Variants in DMD observed in about 807,000 individuals in gnomAD.
DMD encodes the protein mutant dystrophin.
In DMD, 63 loss-of-function variants were observed where a neutral mutation model predicts 330.1. The ratio of observed to expected loss-of-function variants is 0.19; its 90% CI spans 0.16 to 0.24. The LOEUF (loss-of-function observed/expected upper bound fraction) is 0.24, where lower values mean the gene tolerates loss of function less well. Among genes scored for constraint, DMD ranks in the 10% least tolerant of loss-of-function variants. The pLI, the probability that DMD is intolerant of heterozygous loss-of-function variation, is 1.00. For missense variants in DMD, 3,344 were observed against 2,684.1 expected, an observed-to-expected ratio of 1.25 and a Z score of -5.43; for synonymous variants, 1,223 against 959.8, an observed-to-expected ratio of 1.27 and a Z score of -5.07.
intron 43 of DMD, among the ~76,000 whole-genome samples, chrX:32,263,770 C>T (rs777003371): frequency 5.4e-5 from 6 of 111,543 alleles, no homozygotes; most frequent in Non-Finnish European, 9.4e-5. Flanking sequence ...AGACAACTTC[C>T]ATCTAATTAT....
intron 52 of DMD, among the ~76,000 whole-genome samples, chrX:31,721,581 T>C (rs1460154651): frequency 2.3e-5 from 2 of 88,540 alleles, no homozygotes; most frequent in African/African-American, 9.3e-5. Context: ...GTTAATGGCT[T>C]AAAATCAATC....
intron 44 of DMD, among the ~76,000 whole-genome samples, chrX:32,103,030 C>T (rs758458328): frequency 1.6e-3 from 174 of 111,778 alleles, no homozygotes; most frequent in South Asian, 9.7e-3. Context: ...AGGTTACTCC[C>T]TGTGATTACT....
intron 47 of DMD, among the ~76,000 whole-genome samples, chrX:31,902,041 G>C (rs1411018996): frequency 9.0e-6 from 1 of 111,252 alleles, no homozygotes; most frequent in Non-Finnish European, 1.9e-5. Flanking sequence ...TTAGGTATCT[G>C]CTTAGGCTGG....
intron 7 of DMD, among the ~76,000 whole-genome samples, chrX:32,754,674 CTT>C (rs982526566): frequency 3.6e-4 from 40 of 111,809 alleles, no homozygotes; most frequent in Admixed American, 2.9e-3. Context: ...CAATAACAAA[CTT>C]ATCGCAGATT....
At chrX:32,337,432 T>C (rs1030301761) in intron 41 of DMD, among the ~76,000 whole-genome samples, 1 of 109,360 alleles carries the variant, frequency 9.1e-6, no homozygotes, top group Non-Finnish European at 1.9e-5. Flanking sequence ...TACTTGGTAT[T>C]TGATGTCATA....
intron 43 of DMD, among the ~76,000 whole-genome samples, chrX:32,252,843 AATATATAAAT>A (rs1569553738): frequency 1.3e-4 from 7 of 53,543 alleles, no homozygotes; most frequent in Non-Finnish European, 2.3e-4. Context: ...AATATATATA[AATATATAAAT>A]ATATATAAAT....
chrX:31,204,188 C>T (rs1485716494), intron 66 of DMD, 70 bp from the exon 67 acceptor site: 1 of 967,549 alleles, frequency 1.0e-6, no homozygotes, highest in Non-Finnish European at 1.5e-6. Flanking sequence ...ACCTGACATC[C>T]AACTCAATTC....
At chrX:32,838,208 T>C (rs993594486) in intron 4 of DMD, among the ~76,000 whole-genome samples, 3 of 111,880 alleles carry the variant, frequency 2.7e-5, no homozygotes, top group African/African-American at 9.8e-5. Context: ...ACACTCTAAG[T>C]TTGTTAGTAT....
chrX:31,460,493 G>C (rs1231334076), intron 59 of DMD, among the ~76,000 whole-genome samples: 1 of 111,949 alleles, frequency 8.9e-6, no homozygotes, highest in African/African-American at 3.2e-5. Context: ...CAGTATGTTT[G>C]GTAGAAAAGT....
At chrX:32,698,128 C>T (rs1422080842) in intron 8 of DMD, 130 bp from the exon 9 acceptor site, 15 of 691,947 alleles carry the variant, frequency 2.2e-5, no homozygotes, top group African/African-American at 8.9e-5. Flanking sequence ...ATGTTTAATA[C>T]TAAACATATA....
At chrX:33,133,731 CTT>C (rs911994419) in intron 1 of DMD, among the ~76,000 whole-genome samples, 2 of 112,171 alleles carry the variant, frequency 1.8e-5, no homozygotes, top group African/African-American at 6.5e-5. Context: ...AAGCCAAACT[CTT>C]TGCAGCTCTT....
intron 30 of DMD, among the ~76,000 whole-genome samples, chrX:32,400,755 T>G (rs1202696095): frequency 2.8e-5 from 3 of 108,072 alleles, no homozygotes; most frequent in African/African-American, 1.0e-4. Context: ...GGTTCAACCA[T>G]TGTGGAAGTC....
chrX:32,806,254 G>T (rs1178651561), intron 7 of DMD, among the ~76,000 whole-genome samples: 2 of 110,188 alleles, frequency 1.8e-5, no homozygotes, highest in Non-Finnish European at 3.8e-5. Context: ...CCAAGCAAAT[G>T]GAAAGCAAAA....
chrX:33,105,860 G>A (rs886822071), intron 1 of DMD, among the ~76,000 whole-genome samples: 1 of 111,537 alleles, frequency 9.0e-6, no homozygotes, highest in Non-Finnish European at 1.9e-5. Flanking sequence ...AAAACAGTAT[G>A]GAGATTTCTC....
At chrX:31,955,496 G>A (rs1029075473) in intron 45 of DMD, among the ~76,000 whole-genome samples, 1 of 111,786 alleles carries the variant, frequency 8.9e-6, no homozygotes, top group African/African-American at 3.3e-5. Context: ...TGCTTAATGT[G>A]GTAATTTGTA....
intron 1 of DMD, among the ~76,000 whole-genome samples, chrX:33,271,212 T>C (rs775570084): frequency 2.2e-4 from 25 of 111,397 alleles, no homozygotes; most frequent in African/African-American, 8.1e-4. Context: ...TCTTTTTAAA[T>C]AATAAAAGTA....
chrX:32,731,708 G>A (rs946770837), intron 7 of DMD, among the ~76,000 whole-genome samples: 5 of 111,831 alleles, frequency 4.5e-5, no homozygotes, highest in African/African-American at 1.6e-4. Context: ...GGTCCTGTCT[G>A]TTAGAAGGAA....
chrX:31,519,247 G>T (rs1175136991), intron 55 of DMD, among the ~76,000 whole-genome samples: 1 of 111,894 alleles, frequency 8.9e-6, no homozygotes, highest in East Asian at 2.8e-4. Context: ...AGCTCGAAAA[G>T]CTCTTATTTC....
At chrX:32,995,912 T>C (rs956112472) in intron 2 of DMD, among the ~76,000 whole-genome samples, 1 of 112,068 alleles carries the variant, frequency 8.9e-6, no homozygotes, top group Non-Finnish European at 1.9e-5. Flanking sequence ...CGGATTTAAA[T>C]TGAATTAGAT....
Sources: allele counts gnomAD v4.1 joint callset (sites outside exome capture counted in the v4.1 genomes callset), GRCh38; gene constraint gnomAD v4.1.1; transcripts MANE v1.5; gene names NCBI Gene and HGNC (gene_info 2026-07-23, HGNC 2026-07-21).